The following MAP2K6 variants were observed in gnomAD, a reference collection of about 807,000 sequenced individuals.
MAP2K6 encodes mitogen-activated protein kinase kinase 6, also known as dual specificity mitogen-activated protein kinase kinase 6.
Under a neutral mutation model 53.7 loss-of-function variants are expected in MAP2K6, and 16 were observed. The ratio of observed to expected loss-of-function variants is 0.30; its 90% CI spans 0.20 to 0.45. MAP2K6 has a LOEUF of 0.45. MAP2K6 is among the 20% of genes least tolerant of loss of function. The probability of loss-of-function intolerance (pLI) is 1.00; values close to 1 mark genes in which losing one functional copy is unlikely to be tolerated. For missense variants in MAP2K6, 204 were observed against 411.9 expected (o/e 0.50, Z 4.37); for synonymous variants, 132 against 143.1 (o/e 0.92, Z 0.55).
At chr17:69,529,364 T>TA (rs201107152) in intron 10 of MAP2K6, among the ~76,000 whole-genome samples, 2,311 of 152,126 alleles carry the variant, frequency 0.015, 65 homozygotes, top group African/African-American at 0.051. Context: ...TCAATTTGTT[T>TA]AAAAAAAATC....
At chr17:69,430,989 G>C (rs182143539) in intron 1 of MAP2K6, among the ~76,000 whole-genome samples, 1 of 152,158 alleles carries the variant, frequency 6.6e-6, no homozygotes, top group Non-Finnish European at 1.5e-5. Flanking sequence ...GACAATTTTC[G>C]TACCCTTTGA....
At chr17:69,460,122 A>C (rs1420893127) in intron 1 of MAP2K6, among the ~76,000 whole-genome samples, 1 of 152,074 alleles carries the variant, frequency 6.6e-6, no homozygotes, top group African/African-American at 2.4e-5. Context: ...CTGGGGATAG[A>C]GCAATGAAAC....
intron 10 of MAP2K6, among the ~76,000 whole-genome samples, chr17:69,528,212 G>A (rs1399681872): frequency 6.6e-6 from 1 of 151,598 alleles, no homozygotes; most frequent in African/African-American, 2.4e-5. Flanking sequence ...AGAGCTCTTC[G>A]ACTCTTTGTT....
intron 1 of MAP2K6, among the ~76,000 whole-genome samples, chr17:69,498,396 T>C (rs1909025650): frequency 1.3e-5 from 2 of 152,040 alleles, no homozygotes; most frequent in Non-Finnish European, 2.9e-5. Context: ...TAAAAAAATA[T>C]ATGGATCCTG....
At chr17:69,528,923 C>T (rs999193999) in intron 10 of MAP2K6, among the ~76,000 whole-genome samples, 2 of 142,412 alleles carry the variant, frequency 1.4e-5, no homozygotes, top group African/African-American at 5.2e-5. Context: ...AACAGTAGTT[C>T]TCAAGAGGGG....
intron 1 of MAP2K6, among the ~76,000 whole-genome samples, chr17:69,422,073 G>A (rs1906101234): frequency 6.6e-6 from 1 of 150,784 alleles, no homozygotes; most frequent in Non-Finnish European, 1.5e-5. Flanking sequence ...AGTTGAGGAG[G>A]ATATTCAGGT....
intron 1 of MAP2K6, among the ~76,000 whole-genome samples, chr17:69,493,446 A>G (rs1353774594): frequency 6.6e-6 from 1 of 152,160 alleles, no homozygotes; most frequent in Non-Finnish European, 1.5e-5. Flanking sequence ...ATGAATACAG[A>G]TGACAGTGGA....
At chr17:69,502,280 C>T (rs753234230) in intron 1 of MAP2K6, 10 of 985,202 alleles carry the variant, frequency 1.0e-5, no homozygotes, top group Non-Finnish European at 1.2e-5. Context: ...TTCTCCTTGC[C>T]GAAGTGTGGT....
intron 1 of MAP2K6, among the ~76,000 whole-genome samples, chr17:69,478,364 C>T (rs950663311): frequency 1.4e-4 from 22 of 152,300 alleles, no homozygotes; most frequent in Admixed American, 1.2e-3. Context: ...GTAACTTACT[C>T]ATTCCAGAAG....
Position 69,519,295 on chromosome 17 carries a change from C to T in MAP2K6, c.247-18C>T, listed in dbSNP as rs1910343591. Reference sequence around the variant, plus strand: ...CCTCAGAGTAGTAACCATAAATTTTCCATGCATTTCCATTCAGCGGATCCG... The same window carrying T: ...CCTCAGAGTAGTAACCATAAATTTTTCATGCATTTCCATTCAGCGGATCCG... On this transcript the variant is annotated intron_variant, in intron 4 of 11. Transcript: ENST00000590474. 6.2e-7 allele frequency: 1 copy of T among 1,610,588 alleles called. No homozygotes were observed. Among genetic ancestry groups the T allele is most frequent in the South Asian group, 1.1e-5 (1 of 90,432 alleles).
At position 69,521,127 on chromosome 17, in the gene MAP2K6, G is replaced by A. The variant is rs768157576; in HGVS notation, c.535+27G>A. The A allele has an allele frequency of 3.1e-6, 5 of 1,601,318 alleles. No individual in the cohort carries two copies. In the African/African-American group the frequency reaches 5.4e-5, roughly 17 times the overall value. On this transcript the variant is annotated intron_variant, in intron 7 of 11. Coordinates refer to ENST00000590474, the MANE Select transcript of MAP2K6 (RefSeq NM_002758.4). ...TAAGCATCCATGAGCTGCCTTGGCT[G>A]TTCCTTTGATAAAGTTCATCTCTTT...
At chr17:69,417,318 C>T (rs942004364) in intron 1 of MAP2K6, among the ~76,000 whole-genome samples, 4 of 152,156 alleles carry the variant, frequency 2.6e-5, no homozygotes, top group African/African-American at 9.7e-5. Context: ...TGGATACAAT[C>T]TCATAGTATT....
chr17:69,489,663 G>C (rs1220956097), intron 1 of MAP2K6, among the ~76,000 whole-genome samples: 1 of 152,210 alleles, frequency 6.6e-6, no homozygotes, highest in Non-Finnish European at 1.5e-5. Flanking sequence ...ATTGAAATGA[G>C]TACACTTGCA....
At chr17:69,532,530 T>C (rs1911136156) in intron 10 of MAP2K6, among the ~76,000 whole-genome samples, 1 of 152,214 alleles carries the variant, frequency 6.6e-6, no homozygotes, top group Admixed American at 6.5e-5. Flanking sequence ...CAAAAAGAAA[T>C]TGGTGTTGCT....
At chr17:69,520,075 C>T (rs1461877850) in intron 5 of MAP2K6, 195 bp from the exon 6 acceptor site, 1 of 538,532 alleles carries the variant, frequency 1.9e-6, no homozygotes, top group African/African-American at 2.0e-5. Context: ...TGGCTACCTA[C>T]TGGTTTGCTC....
intron 1 of MAP2K6, among the ~76,000 whole-genome samples, chr17:69,457,022 T>C (rs533133598): frequency 2.8e-4 from 43 of 152,226 alleles, no homozygotes; most frequent in Middle Eastern, 3.2e-3. Flanking sequence ...CGTTTTTGCA[T>C]ATGCTGTTCC....
At chr17:69,493,432 A>T (rs148322222) in intron 1 of MAP2K6, among the ~76,000 whole-genome samples, 1 of 152,176 alleles carries the variant, frequency 6.6e-6, no homozygotes, top group Non-Finnish European at 1.5e-5. Context: ...GAGTTCACAG[A>T]AAAATGAATA....
chr17:69,461,017 G>A (rs1056526820), intron 1 of MAP2K6, among the ~76,000 whole-genome samples: 1 of 152,204 alleles, frequency 6.6e-6, no homozygotes, highest in Admixed American at 6.5e-5. Context: ...ATCAGGAGGA[G>A]TGAAGGAAGA....
At chr17:69,535,453 T>C (rs899561294) in intron 10 of MAP2K6, among the ~76,000 whole-genome samples, 1 of 151,904 alleles carries the variant, frequency 6.6e-6, no homozygotes, top group African/African-American at 2.4e-5. Context: ...TAGCCAGGCA[T>C]GGTGGCACGT....
Sources: allele counts gnomAD v4.1 joint callset (sites outside exome capture counted in the v4.1 genomes callset), GRCh38; gene constraint gnomAD v4.1.1; transcripts MANE v1.5; gene names NCBI Gene and HGNC (gene_info 2026-07-23, HGNC 2026-07-21).